The following PKD1L3 variants were observed in gnomAD, a reference collection of about 807,000 sequenced individuals.
PKD1L3 encodes polycystin-1-like protein 3.
PKD1L3 carries 239 observed loss-of-function variants against 184.1 expected under a neutral mutation model. The observed-to-expected ratio is 1.30, with a 90% confidence interval of 1.17 to 1.45. The LOEUF is 1.45. Ranked by LOEUF, PKD1L3 falls within the 40% of genes most tolerant of loss-of-function variation. The pLI, the probability that PKD1L3 is intolerant of heterozygous loss-of-function variation, is 0.00. For missense variants in PKD1L3, 2,660 were observed against 2,067.2 expected (o/e 1.29, Z -5.56); for synonymous variants, 996 against 778.8 (o/e 1.28, Z -4.64).
intron 13 of PKD1L3, among the ~76,000 whole-genome samples, chr16:71,969,174 A>AC (rs2039614697): frequency 6.6e-6 from 1 of 151,182 alleles, no homozygotes; most frequent in Non-Finnish European, 1.5e-5. Flanking sequence ...CAGGTGATCC[A>AC]CCTGCCTCGG....
At chr16:71,983,654 A>ATT (rs1555525072) in intron 6 of PKD1L3, among the ~76,000 whole-genome samples, 3 of 104,862 alleles carry the variant, frequency 2.9e-5, no homozygotes, top group Non-Finnish European at 5.6e-5. Context: ...CAATCTCCAG[A>ATT]TTCTCTTTCT....
At position 71,952,936 on chromosome 16, in the gene PKD1L3, TGA is replaced by T. The variant is rs746650860; in HGVS notation, c.2965_2966del (p.Ser989ArgfsTer5). ...CAGAGAGAGGCTCAACAGAAGCATCTGAGAGGCAGGAGGCCTGGATGGGAGGA... is the reference window on the plus strand; with the variant it reads ...CAGAGAGAGGCTCAACAGAAGCATCTGAGGCAGGAGGCCTGGATGGGAGGA... The part of the protein sequence containing the change: ...LFPPIQASCL[S>X]DASVEPLSAT... On this transcript the variant is annotated frameshift_variant, in exon 18 of 30. Coordinates refer to ENST00000620267, the MANE Select transcript of PKD1L3 (RefSeq NM_181536.2). LOFTEE classifies it high-confidence loss of function. 6.4e-7 allele frequency: 1 copy of T among 1,551,024 alleles called. No individual in the cohort carries two copies. Among genetic ancestry groups the T allele is most frequent in the South Asian group, 1.2e-5 (1 of 83,924 alleles).
chr16:71,970,077 G>GTC lies in PKD1L3; in HGVS notation c.1980_1981dup (p.Thr661ArgfsTer9). ...GGTCAGGTGGTTACAGAGACACTGT[G>GTC]TCCTCAGAATTGTGCTCTGTGGCCC... On this transcript the variant is annotated frameshift_variant, in exon 13 of 30. Coordinates refer to ENST00000620267, the MANE Select transcript of PKD1L3 (RefSeq NM_181536.2). LOFTEE classifies it high-confidence loss of function. 1.9e-6 allele frequency: 3 copies of GTC among 1,551,688 alleles called. No individual in the cohort carries two copies. The highest frequency in any genetic ancestry group is 2.6e-6 in the Non-Finnish European group (3 of 1,146,980).
intron 18 of PKD1L3, 28 bp from the exon 19 acceptor site, chr16:71,951,772 C>T (rs2038844368): frequency 6.5e-7 from 1 of 1,531,658 alleles, no homozygotes; most frequent in South Asian, 1.2e-5. Context: ...TGAGAAAAAT[C>T]AGCCTGTTTT....
chr16:71,966,016 T>C (rs1597333668), intron 15 of PKD1L3, among the ~76,000 whole-genome samples: 1 of 152,086 alleles, frequency 6.6e-6, no homozygotes, highest in South Asian at 2.1e-4. Context: ...GATTTGTGCA[T>C]ACTGGAACAG....
At chr16:71,931,425 A>G (rs2037959081) in intron 28 of PKD1L3, among the ~76,000 whole-genome samples, 1 of 150,548 alleles carries the variant, frequency 6.6e-6, no homozygotes, top group South Asian at 2.1e-4. Flanking sequence ...TTTTAATTGC[A>G]AGCTTCCCTA....
Position 71,942,416 on chromosome 16 carries a change from T to G in PKD1L3, c.4324+144A>C, listed in dbSNP as rs1294046272. 4.8e-6 allele frequency: 3 copies of G among 626,724 alleles called. No homozygotes were observed. The South Asian group carries it at 6.1e-5, about 13-fold the overall frequency. The allele number at this position is 626,724 out of a possible 1,614,324, so 38.8% of individuals were successfully genotyped here. A position where few individuals can be genotyped will look rare whatever the true frequency, so the allele number is the denominator to read the frequency against. On this transcript the variant is annotated intron_variant, in intron 24 of 29. Coordinates refer to ENST00000620267, the MANE Select transcript of PKD1L3 (RefSeq NM_181536.2). Reference sequence around the variant, plus strand: ...ATGTGATGGGAGAATAAAAACACTTTTGGAGATGTAAGTCTCCAACAAATT... The same window carrying G: ...ATGTGATGGGAGAATAAAAACACTTGTGGAGATGTAAGTCTCCAACAAATT...
intron 24 of PKD1L3, 53 bp downstream of exon 24, chr16:71,942,507 T>A: frequency 7.0e-7 from 1 of 1,437,274 alleles, no homozygotes; most frequent in Admixed American, 2.1e-5. Context: ...TTGCACTTAT[T>A]GAACAGCCTT....
At chr16:71,996,364 G>A (rs1046449692) in intron 2 of PKD1L3, among the ~76,000 whole-genome samples, 2 of 145,740 alleles carry the variant, frequency 1.4e-5, no homozygotes, top group African/African-American at 2.5e-5. Flanking sequence ...CGGTTCAAGC[G>A]ATTCTCCTGC....
chr16:71,946,044 C>T (rs533760852), intron 22 of PKD1L3, among the ~76,000 whole-genome samples: 4 of 152,134 alleles, frequency 2.6e-5, no homozygotes, highest in Non-Finnish European at 5.9e-5. Context: ...CTGCAACCTC[C>T]GCCTCCCAGG....
intron 7 of PKD1L3, among the ~76,000 whole-genome samples, chr16:71,981,645 A>T (rs1410965412): frequency 6.7e-6 from 1 of 148,400 alleles, no homozygotes; most frequent in Non-Finnish European, 1.5e-5. Flanking sequence ...GGTTCAAGCG[A>T]TTCTCCTGCC....
At chr16:71,983,629 G>C (rs1034211080) in intron 6 of PKD1L3, among the ~76,000 whole-genome samples, 1 of 145,632 alleles carries the variant, frequency 6.9e-6, no homozygotes, top group Admixed American at 6.9e-5. Flanking sequence ...ATAATGCTAA[G>C]CTTGGCATAA....
In PKD1L3 at chr16:71,930,036, T is replaced by C. The variant is rs1406548852; in HGVS notation, c.5058+16A>G. ...AGTGATATAACAGCATGCTAGTTTA[T>C]CTTTTAGTTACCTACCTTAAGCGAC... On this transcript the variant is annotated intron_variant, in intron 29 of 29. Coordinates refer to ENST00000620267, the MANE Select transcript of PKD1L3 (RefSeq NM_181536.2). 3.2e-6 allele frequency: 5 copies of C among 1,544,138 alleles called. No individual in the cohort carries two copies. Among genetic ancestry groups the C allele is most frequent in the South Asian group, 2.4e-5 (2 of 83,350 alleles).
At position 71,986,459 on chromosome 16, in the gene PKD1L3, A is replaced by G. The variant is rs2040368844; in HGVS notation, c.596T>C (p.Leu199Pro). The G allele has an allele frequency of 1.3e-6, 2 of 1,551,654 alleles. No individual in the cohort carries two copies. Among genetic ancestry groups the G allele is most frequent in the South Asian group, 1.2e-5 (1 of 84,032 alleles). The change falls in exon 5 of 30, where the codon CTG (leucine) becomes CCG (proline). Residue 199 changes from leucine to proline, a missense_variant. Leu to Pro is a moderately conservative substitution (Grantham distance 98, BLOSUM62 -3). Coordinates refer to ENST00000620267, the MANE Select transcript of PKD1L3 (RefSeq NM_181536.2). ...YPLPAHLSKT[L>P]CHPISQFPSV... ...AGGAAACTGGCTGATGGGATGACAC[A>G]GGGTCTTGGACTAAAAGATAAAAAT...
intron 23 of PKD1L3, 36 bp downstream of exon 23, chr16:71,943,994 C>T: frequency 6.6e-7 from 1 of 1,526,176 alleles, no homozygotes. Context: ...GGAAAAGGTG[C>T]TGTGTTATCA....
intron 5 of PKD1L3, among the ~76,000 whole-genome samples, chr16:71,985,595 C>G (rs1444182761): frequency 1.3e-5 from 2 of 152,064 alleles, no homozygotes; most frequent in African/African-American, 4.8e-5. Context: ...CCACACCTGG[C>G]TAATTTTTTT....
chr16:71,992,530 T>C (rs1440507455), intron 3 of PKD1L3, among the ~76,000 whole-genome samples: 1 of 152,208 alleles, frequency 6.6e-6, no homozygotes, highest in Non-Finnish European at 1.5e-5. Context: ...TTAACAGTTT[T>C]CCAAAATATG....
At position 71,943,537 on chromosome 16, in the gene PKD1L3, CA is replaced by C. The variant is rs10693124; in HGVS notation, c.3859+492del. 5.9e-3 allele frequency among the ~76,000 whole-genome samples: 495 copies of C among 84,518 alleles called. 2 individuals are homozygous for C. The highest frequency in any genetic ancestry group is 0.018 in the African/African-American group (375 of 20,332). The allele number at this position is 84,518 out of a possible 152,430, so 55.4% of individuals were successfully genotyped here. On this transcript the variant is annotated intron_variant, in intron 23 of 29. Coordinates refer to ENST00000620267, the MANE Select transcript of PKD1L3 (RefSeq NM_181536.2). ...TGGGCAACAAAGTGAGACTCCGTCT[CA>C]AAAAAAAAAAAAAAAAAAAACATAA...
rs2040273217 is a variant in PKD1L3 at position 71,984,184 on chromosome 16, A to T, written c.835-17T>A. ...ATCTATGACCTATTGGGAACAAAGA[A>T]GTTGTCAAAATTACTCATACAAAAT... On this transcript the variant is annotated splice_polypyrimidine_tract_variant and intron_variant, in intron 5 of 29. Transcript: ENST00000620267. 6.5e-7 allele frequency: 1 copy of T among 1,550,034 alleles called. No homozygotes were observed. Among genetic ancestry groups the T allele is most frequent in the East Asian group, 2.4e-5 (1 of 40,878 alleles).
Sources: gnomAD v4.1 joint callset for allele counts (sites outside exome capture counted in the v4.1 genomes callset) on GRCh38, gnomAD v4.1.1 for gene constraint, MANE v1.5 for transcripts, NCBI Gene and HGNC (gene_info 2026-07-23, HGNC 2026-07-21) for gene names.